Variants in SLC17A1 observed in about 807,000 individuals in gnomAD.
The protein encoded by SLC17A1 is solute carrier family 17 member 1, also known as sodium-dependent phosphate transport protein 1.
SLC17A1 carries 51 observed loss-of-function variants against 53.5 expected under a neutral mutation model. The ratio of observed to expected loss-of-function variants is 0.95; its 90% confidence interval spans 0.76 to 1.20. SLC17A1 has a LOEUF of 1.20. SLC17A1 is among the 50% of genes most tolerant of loss of function. The pLI, the probability that SLC17A1 is intolerant of heterozygous loss-of-function variation, is 0.00. For missense variants in SLC17A1, 538 were observed against 568.2 expected (o/e 0.95, Z 0.54); for synonymous variants, 179 against 198.8 (o/e 0.90, Z 0.84).
chr6:25,785,007 A>G (rs1286499403), intron 12 of SLC17A1, among the ~76,000 whole-genome samples: 3 of 152,128 alleles, frequency 2.0e-5, no homozygotes, highest in Non-Finnish European at 4.4e-5. Context: ...GCTTACAGAA[A>G]TCCTAGGAAA....
chr6:25,819,012 G>A, intron 6 of SLC17A1, 56 bp downstream of exon 6: 1 of 1,197,630 alleles, frequency 8.3e-7, no homozygotes, highest in South Asian at 1.5e-5. Flanking sequence ...GGGTTTTAAT[G>A]TTTAAATTTT....
At chr6:25,793,441 C>T (rs1763543345) in intron 12 of SLC17A1, among the ~76,000 whole-genome samples, 2 of 152,102 alleles carry the variant, frequency 1.3e-5, no homozygotes. Flanking sequence ...TATTTTTTAT[C>T]CTCGGAATAC....
At chr6:25,824,072 C>T (rs1192357797) in intron 3 of SLC17A1, among the ~76,000 whole-genome samples, 2 of 151,856 alleles carry the variant, frequency 1.3e-5, no homozygotes, top group Non-Finnish European at 2.9e-5. Flanking sequence ...TTTAATGCAA[C>T]ATGTACAAAA....
chr6:25,767,347 T>A, the SLC17A1 span, among the ~76,000 whole-genome samples: 153 of 152,234 alleles, frequency 1.0e-3, 1 homozygote, highest in Admixed American at 3.5e-3. Flanking sequence ...ATCATCCCAA[T>A]AATACGAAGG....
downstream of SLC17A1, chr6:25,778,117 T>A: frequency 1.3e-6 from 1 of 754,964 alleles, no homozygotes; most frequent in Non-Finnish European, 2.1e-6. Context: ...GCTTTTAAAG[T>A]AGTCAAAAAT....
intron 12 of SLC17A1, among the ~76,000 whole-genome samples, chr6:25,786,155 A>G (rs1364014965): frequency 5.3e-5 from 8 of 152,256 alleles, no homozygotes; most frequent in Admixed American, 2.0e-4. Context: ...AAAAAGAAGG[A>G]AGTATTGCTA....
the SLC17A1 span, among the ~76,000 whole-genome samples, chr6:25,759,583 G>T: frequency 6.6e-6 from 1 of 152,284 alleles, no homozygotes; most frequent in Admixed American, 6.5e-5. Flanking sequence ...TTGCTTATAA[G>T]TTTGTTTTGT....
intron 3 of SLC17A1, among the ~76,000 whole-genome samples, chr6:25,821,798 G>T (rs1244413708): frequency 2.0e-5 from 3 of 152,042 alleles, no homozygotes; most frequent in South Asian, 2.1e-4. Context: ...ATTGAACAAA[G>T]TACTCCACAT....
the SLC17A1 span, among the ~76,000 whole-genome samples, chr6:25,758,737 A>G: frequency 2.0e-5 from 1 of 50,602 alleles, no homozygotes; most frequent in East Asian, 3.4e-3. Flanking sequence ...TTTTCAAAGA[A>G]CCAGCTTTTT....
the SLC17A1 span, chr6:25,776,964 G>A: frequency 1.2e-6 from 2 of 1,607,028 alleles, no homozygotes; most frequent in Non-Finnish European, 1.7e-6. Context: ...TCCTCGGTAG[G>A]GACCTCTTTT....
chr6:25,743,121 T>C, the SLC17A1 span, among the ~76,000 whole-genome samples: 1 of 152,186 alleles, frequency 6.6e-6, no homozygotes, highest in East Asian at 1.9e-4. Flanking sequence ...TACAGAAATC[T>C]CCATGATATA....
the SLC17A1 span, among the ~76,000 whole-genome samples, chr6:25,723,895 A>C: frequency 2.0e-5 from 3 of 152,206 alleles, no homozygotes; most frequent in South Asian, 6.2e-4. Context: ...CAACAGGACA[A>C]AATTATATGA....
intron 1 of SLC17A1, among the ~76,000 whole-genome samples, chr6:25,830,823 A>G (rs576525586): frequency 2.0e-5 from 3 of 152,344 alleles, no homozygotes; most frequent in African/African-American, 7.2e-5. Flanking sequence ...TGAAAACTAC[A>G]GAGAACAAAC....
chr6:25,744,441 C>T, the SLC17A1 span, among the ~76,000 whole-genome samples: 1 of 152,068 alleles, frequency 6.6e-6, no homozygotes, highest in Admixed American at 6.5e-5. Flanking sequence ...CTGGAGCTGG[C>T]TCAAATGAAT....
At chr6:25,777,038 A>G in the SLC17A1 span, 1 of 1,463,122 alleles carries the variant, frequency 6.8e-7, no homozygotes, top group East Asian at 2.3e-5. Context: ...ATGTGAAAGT[A>G]AAATGTGGCA....
the SLC17A1 span, chr6:25,768,978 C>CA: frequency 6.2e-6 from 10 of 1,613,802 alleles, no homozygotes; most frequent in Non-Finnish European, 8.5e-6. Flanking sequence ...TGCCCTTTTC[C>CA]TCTCAGGTTT....
chr6:25,825,183 T>C (rs1039466079), intron 3 of SLC17A1, among the ~76,000 whole-genome samples: 1 of 152,012 alleles, frequency 6.6e-6, no homozygotes, highest in African/African-American at 2.4e-5. Context: ...AATTTCTGTC[T>C]TTTAACTGGT....
the SLC17A1 span, chr6:25,727,407 T>TC: frequency 1.0e-6 from 1 of 984,526 alleles, no homozygotes; most frequent in Non-Finnish European, 1.4e-6. Flanking sequence ...GGGTTTTTTT[T>TC]TTTTTTGAGG....
the SLC17A1 span, among the ~76,000 whole-genome samples, chr6:25,755,092 A>C: frequency 7.0e-6 from 1 of 142,818 alleles, no homozygotes; most frequent in African/African-American, 2.5e-5. Context: ...CAGAGGAAGA[A>C]AGAGAGAGAG....
Sources: gnomAD v4.1 joint callset for allele counts (sites outside exome capture counted in the v4.1 genomes callset) on GRCh38, gnomAD v4.1.1 for gene constraint, MANE v1.5 for transcripts, NCBI Gene and HGNC (gene_info 2026-07-23, HGNC 2026-07-21) for gene names.